Variants in LMBR1L observed in about 807,000 individuals in gnomAD.
LMBR1L encodes the protein protein LMBR1L.
A neutral mutation model predicts 67.3 loss-of-function variants in LMBR1L; 47 were observed. The ratio of observed to expected loss-of-function variants is 0.70; its 90% CI spans 0.55 to 0.89. LMBR1L has a LOEUF of 0.89. Ranked by LOEUF, LMBR1L falls within the 40% of genes least tolerant of loss-of-function variation. The probability of loss-of-function intolerance (pLI) is 0.00; values close to 1 mark genes in which losing one functional copy is unlikely to be tolerated. For missense variants in LMBR1L, 533 were observed against 599.2 expected, an observed-to-expected ratio of 0.89 and a Z score of 1.15; for synonymous variants, 247 against 250.3, an observed-to-expected ratio of 0.99 and a Z score of 0.13.
intron 13 of LMBR1L, 184 bp downstream of exon 13, chr12:49,101,066 C>T (rs1940106810): frequency 1.5e-6 from 2 of 1,312,706 alleles, no homozygotes; most frequent in African/African-American, 3.5e-5. Flanking sequence ...TACTGAACCA[C>T]CAGCCCTCCT....
rs777711175 is a variant in LMBR1L, at chr12:49,105,968, CAG to C, written c.158-13_158-12del. 2.5e-6 allele frequency: 4 copies of C among 1,612,704 alleles called. No individual in the cohort carries two copies. In the African/African-American group the frequency reaches 5.3e-5, roughly 22 times the overall value. On this transcript the variant is annotated splice_polypyrimidine_tract_variant and intron_variant, in intron 2 of 16. Coordinates refer to ENST00000267102, the MANE Select transcript of LMBR1L (RefSeq NM_018113.4). ...CATCTTCATCATCCACTGTAAGAGACAGAGGCACGGGGAACAGGCAGGAGGAC... is the reference window on the plus strand; with the variant it reads ...CATCTTCATCATCCACTGTAAGAGACAGGCACGGGGAACAGGCAGGAGGAC...
chr12:49,106,113 A>G, intron 2 of LMBR1L, 156 bp from the exon 3 acceptor site: 1 of 616,144 alleles, frequency 1.6e-6, no homozygotes, highest in Non-Finnish European at 2.9e-6. Flanking sequence ...TATGAACTCC[A>G]TAGCCTGTTC....
chr12:49,106,041 G>A, intron 2 of LMBR1L, 84 bp from the exon 3 acceptor site: 1 of 1,157,860 alleles, frequency 8.6e-7, no homozygotes, highest in Non-Finnish European at 1.3e-6. Context: ...TGTGCTCCCT[G>A]CCCCATCCCT....
intron 1 of LMBR1L, among the ~76,000 whole-genome samples, chr12:49,107,291 C>T (rs1941030144): frequency 6.6e-6 from 1 of 152,262 alleles, no homozygotes; most frequent in South Asian, 2.1e-4. Context: ...GCAACATGCC[C>T]AGCCCTACAA....
chr12:49,097,618 C>T lies in LMBR1L; in HGVS notation c.*54G>A, dbSNP rs1219347696. On this transcript the variant is annotated 3_prime_UTR_variant, in exon 17 of 17. Transcript: ENST00000267102. ...AAGTAGCCTTGGGCTTCCCTCCAGG[C>T]CTAGGCAGCAGATGGCAGTGTCCAG... The T allele has an allele frequency of 1.3e-6, 2 of 1,580,000 alleles. No homozygotes were observed. The highest frequency in any genetic ancestry group is 1.7e-6 in the Non-Finnish European group (2 of 1,152,038).
chr12:49,110,535 T>C lies in LMBR1L; in HGVS notation c.21A>G (p.Glu7=), dbSNP rs759423060. The C allele has an allele frequency of 6.2e-7, 1 of 1,613,978 alleles. No homozygotes were observed. The highest frequency in any genetic ancestry group is 2.2e-5 in the East Asian group (1 of 44,860). The change falls in exon 1 of 17, where the codon GAA becomes GAG. Residue 7 remains glutamate (E), a synonymous_variant. Coordinates refer to ENST00000267102, the MANE Select transcript of LMBR1L (RefSeq NM_018113.4). Reference sequence around the variant, plus strand: ...ATAGCTGTTCTCGCACGGATAGCACTTCGTAGTCAGGTGCTTCCATACTCT... The same window carrying C: ...ATAGCTGTTCTCGCACGGATAGCACCTCGTAGTCAGGTGCTTCCATACTCT... The part of the protein sequence containing the change: MEAPDY[E]VLSVREQLFH...
Position 49,102,191 on chromosome 12 carries a change from T to G in LMBR1L, c.859A>C (p.Arg287=). Residue 287 remains arginine, a synonymous_variant, in exon 11 of 17, where the codon AGG becomes CGG. Coordinates refer to ENST00000267102, the MANE Select transcript of LMBR1L (RefSeq NM_018113.4). ...CGTTGCCAGGCTGAAGCCTTCCGCC[T>G]CTTCTCTGTGCAGGGATGGGAGGCT... ...LQTQRVLLEK[R]RKASAWQRNL... The G allele has an allele frequency of 6.2e-7, 1 of 1,614,140 alleles. No individual in the cohort carries two copies. The highest frequency in any genetic ancestry group is 8.5e-7 in the Non-Finnish European group (1 of 1,179,998).
intron 7 of LMBR1L, 35 bp downstream of exon 7, chr12:49,103,056 C>T (rs750356336): frequency 1.2e-6 from 2 of 1,610,798 alleles, no homozygotes; most frequent in East Asian, 2.2e-5. Flanking sequence ...GGTCCAAGGA[C>T]CCTGCCCATT....
At chr12:49,109,753 G>A in intron 1 of LMBR1L, 1 of 456,520 alleles carries the variant, frequency 2.2e-6, no homozygotes, top group Non-Finnish European at 4.4e-6. Context: ...CCACTTCTGT[G>A]CGCAAGGTTC....
At chr12:49,110,168 C>A in intron 1 of LMBR1L, 1 of 570,718 alleles carries the variant, frequency 1.8e-6, no homozygotes, top group Non-Finnish European at 3.3e-6. Context: ...CAGACTAAGG[C>A]AGACTCCGCA....
At chr12:49,110,361 G>A (rs1016031810) in intron 1 of LMBR1L, 123 bp downstream of exon 1, 3 of 879,406 alleles carry the variant, frequency 3.4e-6, no homozygotes, top group Admixed American at 3.6e-5. Flanking sequence ...CCGGACGGAG[G>A]CCTCCGTCGC....
At chr12:49,098,227 C>T (rs1263922766) in intron 15 of LMBR1L, 122 bp from the exon 16 acceptor site, 3 of 995,792 alleles carry the variant, frequency 3.0e-6, no homozygotes, top group Non-Finnish European at 3.0e-6. Flanking sequence ...TGGCCTCTCC[C>T]AATTCTACCA....
At chr12:49,109,666 T>A (rs1021473064) in intron 1 of LMBR1L, 1 of 455,364 alleles carries the variant, frequency 2.2e-6, no homozygotes. Flanking sequence ...AGGAGAGAGG[T>A]GAAAATTCAA....
chr12:49,098,233 T>C (rs1939659314), intron 15 of LMBR1L, 128 bp from the exon 16 acceptor site: 3 of 961,750 alleles, frequency 3.1e-6, no homozygotes, highest in Non-Finnish European at 4.7e-6. Flanking sequence ...CTCCCAATTC[T>C]ACCACCCAAG....
At chr12:49,099,490 G>A (rs542161545) in intron 15 of LMBR1L, among the ~76,000 whole-genome samples, 6 of 152,078 alleles carry the variant, frequency 3.9e-5, no homozygotes, top group Admixed American at 2.0e-4. Flanking sequence ...AAAATACAGA[G>A]GATGATGTGG....
chr12:49,102,765 C>T (rs904103306), intron 8 of LMBR1L, 122 bp downstream of exon 8: 1 of 982,716 alleles, frequency 1.0e-6, no homozygotes, highest in African/African-American at 1.6e-5. Context: ...ATACAGGAAC[C>T]AACAAAGGCT....
chr12:49,110,443 C>T, intron 1 of LMBR1L, 41 bp downstream of exon 1: 1 of 1,597,452 alleles, frequency 6.3e-7, no homozygotes, highest in South Asian at 1.1e-5. Context: ...CTCCCCGTCT[C>T]CCGCAACCCC....
Position 49,100,385 on chromosome 12 carries a change from T to TA in LMBR1L, c.1240+2dup. On this transcript the variant is annotated splice_region_variant and intron_variant, in intron 15 of 16. Coordinates refer to ENST00000267102, the MANE Select transcript of LMBR1L (RefSeq NM_018113.4). ...TCCTTTATCTCCTCCTTTCAATACT[T>TA]ACCCAGGGTTCGAGAGAAGACAGGA... The TA allele has an allele frequency of 6.2e-7, 1 of 1,611,114 alleles. No homozygotes were observed. The highest frequency in any genetic ancestry group is 8.5e-7 in the Non-Finnish European group (1 of 1,177,236).
rs946659716 is a variant in LMBR1L at position 49,102,380 on chromosome 12, A to G, written c.770-4T>C. 4 of 1,614,022 alleles carry G rather than the reference A, an allele frequency of 2.5e-6. No individual in the cohort carries two copies. In the African/African-American group the frequency reaches 4.0e-5, roughly 16 times the overall value. ...GGCAGCCAGCAGGAAGTAGGATCTG[A>G]GGGCAGAGAAGATGGTGTTGCTCTC... On this transcript the variant is annotated splice_region_variant and splice_polypyrimidine_tract_variant and intron_variant, in intron 9 of 16. Coordinates refer to ENST00000267102, the MANE Select transcript of LMBR1L (RefSeq NM_018113.4).
Sources: gnomAD v4.1 joint callset for allele counts (sites outside exome capture counted in the v4.1 genomes callset) on GRCh38, gnomAD v4.1.1 for gene constraint, MANE v1.5 for transcripts, NCBI Gene and HGNC (gene_info 2026-07-23, HGNC 2026-07-21) for gene names.